ATP6V0A2: variants seen among roughly 807,000 people sequenced by gnomAD.
The protein encoded by ATP6V0A2 is V-type proton ATPase 116 kDa subunit a 2.
A neutral mutation model predicts 104.4 loss-of-function variants in ATP6V0A2; 58 were observed. The observed-to-expected ratio is 0.56, with a 90% CI of 0.45 to 0.69. The LOEUF (loss-of-function observed/expected upper bound fraction) is 0.69. Ranked by LOEUF, ATP6V0A2 falls within the 30% of genes least tolerant of loss-of-function variation. ATP6V0A2 has a pLI of 0.00. For missense variants in ATP6V0A2, 938 were observed against 1,062.9 expected (o/e 0.88, Z 1.63); for synonymous variants, 376 against 397.9 (o/e 0.95, Z 0.65).
intron 6 of ATP6V0A2, chr12:123,732,031 ATGTC>A (rs1215373055): frequency 6.6e-6 from 1 of 152,210 alleles, no homozygotes. Flanking sequence ...CTAGACTTTT[ATGTC>A]TGTCTACTCC....
intron 18 of ATP6V0A2, 87 bp downstream of exon 18, chr12:123,754,624 C>G (rs12319143): frequency 2.1e-6 from 2 of 942,134 alleles, no homozygotes; most frequent in Non-Finnish European, 3.5e-6. Flanking sequence ...AACTTTGTAA[C>G]TAATAGTCAT....
At chr12:123,724,530 A>G in intron 3 of ATP6V0A2, 124 bp from the exon 4 acceptor site, 1 of 665,756 alleles carries the variant, frequency 1.5e-6, no homozygotes, top group Non-Finnish European at 2.2e-6. Flanking sequence ...CTCCATCTCA[A>G]AAAAAAAAAA....
chr12:123,735,928 A>G (rs1283958284), intron 8 of ATP6V0A2, among the ~76,000 whole-genome samples: 3 of 152,170 alleles, frequency 2.0e-5, no homozygotes, highest in Admixed American at 1.3e-4. Context: ...CTTGGAGTGC[A>G]GTGGCATAAT....
chr12:123,738,319 T>G (rs1054577123), intron 9 of ATP6V0A2, among the ~76,000 whole-genome samples: 2 of 152,248 alleles, frequency 1.3e-5, no homozygotes, highest in Admixed American at 1.3e-4. Context: ...GGAGAATTGC[T>G]TGAGGCGGAG....
At chr12:123,721,051 T>G (rs1341938133) in intron 2 of ATP6V0A2, among the ~76,000 whole-genome samples, 2 of 152,186 alleles carry the variant, frequency 1.3e-5, no homozygotes, top group Non-Finnish European at 2.9e-5. Flanking sequence ...TTAGTAACAC[T>G]TCTAAATATT....
chr12:123,742,534 A>G (rs116027867), intron 9 of ATP6V0A2, among the ~76,000 whole-genome samples: 82 of 152,182 alleles, frequency 5.4e-4, no homozygotes, highest in African/African-American at 1.9e-3. Flanking sequence ...TTACATGCAT[A>G]CGTTTTAAGA....
At chr12:123,734,746 G>T (rs1377853538) in intron 7 of ATP6V0A2, among the ~76,000 whole-genome samples, 1 of 152,194 alleles carries the variant, frequency 6.6e-6, no homozygotes, top group African/African-American at 2.4e-5. Flanking sequence ...CAGGGTGGAG[G>T]GGGGTTTGGG....
rs149123235 is a variant in ATP6V0A2, at chr12:123,751,145, A to G, written c.1971A>G (p.Ala657=). 1.3e-4 allele frequency: 207 copies of G among 1,614,004 alleles called. No individual in the cohort carries two copies. Among genetic ancestry groups the G allele is most frequent in the Non-Finnish European group, 1.7e-4 (199 of 1,180,040 alleles). Residue 657 remains alanine (A), a synonymous_variant, in exon 16 of 20, where the codon GCA becomes GCG. Transcript: ENST00000330342. ...AGAGAGTGCTGCTGGTTGTCACAGC[A>G]TTGTCTGTCCCTGTCCTCTTCTTGG... ...YVQRVLLVVT[A]LSVPVLFLGK...
At chr12:123,729,322 G>GTTTTTTTTTGTTTT (rs1555296874) in intron 6 of ATP6V0A2, among the ~76,000 whole-genome samples, 2 of 113,890 alleles carry the variant, frequency 1.8e-5, no homozygotes, top group Non-Finnish European at 3.4e-5. Flanking sequence ...CAAGGAGGCT[G>GTTTTTTTTTGTTTT]TTTTTTTTTT....
chr12:123,733,931 A>T lies in ATP6V0A2; in HGVS notation c.654A>T (p.Glu218Asp), dbSNP rs1296005189. 4 of 1,611,588 alleles carry T rather than the reference A, an allele frequency of 2.5e-6. No homozygotes were observed. The highest frequency in any genetic ancestry group is 3.3e-5 in the Admixed American group (2 of 59,996). The change falls in exon 7 of 20, where the codon GAA becomes GAT. Residue 218 changes from glutamate to aspartate, a missense_variant. Transcript: ENST00000330342. ...DESLEDPETG[E>D]VIKWYVFLIS... ...TCCTTATTCATTCTTTGTAGGGGGA[A>T]GTCATAAAATGGTATGTCTTTTTAA...
Position 123,744,320 on chromosome 12 carries a change from C to G in ATP6V0A2, c.1309C>G (p.Leu437Val), listed in dbSNP as rs1224284278. 6.2e-7 allele frequency: 1 copy of G among 1,614,160 alleles called. No homozygotes were observed. The highest frequency in any genetic ancestry group is 1.7e-5 in the Admixed American group (1 of 60,026). Residue 437 changes from leucine (L) to valine (V), a missense_variant, in exon 11 of 20, where the codon CTA becomes GTA. Leu to Val is a conservative substitution (Grantham distance 32). Coordinates refer to ENST00000330342, the MANE Select transcript of ATP6V0A2 (RefSeq NM_012463.4). This position sits in a 1 kb window ranked among gnomAD's most constrained non-coding sequence, Gnocchi z 5.4. Reference protein sequence around the residue: ...LLVLNENHPRLNQSQEIMRMF... With the variant: ...LLVLNENHPRVNQSQEIMRMF... Reference sequence around the variant, plus strand: ...GGTGTTAAATGAAAATCATCCCAGACTAAATCAGTCACAAGAGGTAAAAAT... The same window carrying G: ...GGTGTTAAATGAAAATCATCCCAGAGTAAATCAGTCACAAGAGGTAAAAAT...
At chr12:123,732,532 G>GCTGGCCTCCT (rs200904864) in intron 6 of ATP6V0A2, 1,703 of 152,590 alleles carry the variant, frequency 0.011, 15 homozygotes, top group South Asian at 0.031. Flanking sequence ...CCCCGGCGGT[G>GCTGGCCTCCT]CTGGCCTCCT....
In ATP6V0A2 at chr12:123,729,364, A is replaced by C. The variant is rs149435195; in HGVS notation, c.648+1455A>C. ...CAAATCTTGGTATTTTGAAGCCAAG[A>C]TGTGGCTTCTGGGTGTGCACATTGT... On this transcript the variant is annotated intron_variant, in intron 6 of 19. Transcript: ENST00000330342. Among the ~76,000 whole-genome samples the C allele has an allele frequency of 1.9e-4, 23 of 123,584 alleles. 1 individual carries two copies. The East Asian group carries it at 6.0e-3, about 32-fold the overall frequency. 81.1% of individuals were successfully genotyped at this position (123,584 alleles called of 152,430 possible).
At position 123,754,448 on chromosome 12, in the gene ATP6V0A2, A is replaced by C; in HGVS notation, c.2204A>C (p.Gln735Pro). 6.2e-7 allele frequency: 1 copy of C among 1,613,554 alleles called. No individual in the cohort carries two copies. Among genetic ancestry groups the C allele is most frequent in the Non-Finnish European group, 8.5e-7 (1 of 1,179,430 alleles). ...EFNFGEILMT[Q>P]VIHSIEYCLG... Reference sequence around the variant, plus strand: ...AATTTTGGAGAAATATTAATGACCCAAGTAATCCATTCCATCGAGTACTGT... The same window carrying C: ...AATTTTGGAGAAATATTAATGACCCCAGTAATCCATTCCATCGAGTACTGT... The change falls in exon 18 of 20, where the codon CAA (glutamine) becomes CCA (proline). Residue 735 changes from glutamine to proline, a missense_variant. Transcript: ENST00000330342.
chr12:123,724,552 A>G, intron 3 of ATP6V0A2, 102 bp from the exon 4 acceptor site: 1 of 1,332,534 alleles, frequency 7.5e-7, no homozygotes, highest in Non-Finnish European at 1.0e-6. Context: ...AGAAAAAAAC[A>G]AAACAAAAAA....
chr12:123,740,368 C>A (rs1264764388), intron 9 of ATP6V0A2, among the ~76,000 whole-genome samples: 1 of 152,042 alleles, frequency 6.6e-6, no homozygotes, highest in African/African-American at 2.4e-5. Flanking sequence ...CCATGCCTGG[C>A]TAATTTTTGT....
At chr12:123,743,676 C>T (rs1020513626) in intron 9 of ATP6V0A2, 109 bp from the exon 10 acceptor site, 8 of 1,275,728 alleles carry the variant, frequency 6.3e-6, no homozygotes, top group Non-Finnish European at 9.0e-6. Context: ...AACAAAACAA[C>T]ACCACCAAAA....
intron 2 of ATP6V0A2, chr12:123,721,636 C>T (rs1956400814): frequency 4.7e-6 from 1 of 213,534 alleles, no homozygotes; most frequent in Admixed American, 4.2e-5. Flanking sequence ...ATGAACTTGC[C>T]CATTTCTAGG....
chr12:123,753,740 G>A (rs544722136), intron 17 of ATP6V0A2, among the ~76,000 whole-genome samples: 1 of 152,270 alleles, frequency 6.6e-6, no homozygotes, highest in African/African-American at 2.4e-5. Flanking sequence ...CAGGAAGACA[G>A]CAGAGCATGG....
Sources: gnomAD v4.1 joint callset for allele counts (sites outside exome capture counted in the v4.1 genomes callset) on GRCh38, gnomAD v4.1.1 for gene constraint, Gnocchi (gnomAD v3.1) non-coding constraint, MANE v1.5 for transcripts, NCBI Gene and HGNC (gene_info 2026-07-23, HGNC 2026-07-21) for gene names.